Variants in LRMDA observed in about 807,000 individuals in gnomAD.
LRMDA encodes leucine-rich melanocyte differentiation-associated protein.
LRMDA carries 18 observed loss-of-function variants against 29.8 expected under a neutral mutation model. The observed-to-expected ratio is 0.60, with a 90% CI of 0.42 to 0.90. The LOEUF (loss-of-function observed/expected upper bound fraction) is 0.90, where lower values mean the gene tolerates loss of function less well. Among genes scored for constraint, LRMDA ranks in the 40% least tolerant of loss-of-function variants. The pLI, the probability that LRMDA is intolerant of heterozygous loss-of-function variation, is 0.00. For missense variants in LRMDA, 273 were observed against 273.9 expected, an observed-to-expected ratio of 1.00 and a Z score of 0.02; for synonymous variants, 125 against 109.4, an observed-to-expected ratio of 1.14 and a Z score of -0.89.
At chr10:75,514,780 C>T (rs919019748) in intron 2 of LRMDA, among the ~76,000 whole-genome samples, 1 of 152,184 alleles carries the variant, frequency 6.6e-6, no homozygotes, top group Non-Finnish European at 1.5e-5. Context: ...TGCCATGCTT[C>T]TTGTACAGCC....
intron 2 of LRMDA, among the ~76,000 whole-genome samples, chr10:75,605,325 G>A (rs1350212718): frequency 6.6e-6 from 1 of 152,158 alleles, no homozygotes; most frequent in Non-Finnish European, 1.5e-5. Context: ...GAATATAGAA[G>A]ACAGTCTGTT....
chr10:76,296,759 G>C (rs1436637556), intron 5 of LRMDA, among the ~76,000 whole-genome samples: 1 of 152,212 alleles, frequency 6.6e-6, no homozygotes, highest in African/African-American at 2.4e-5. Flanking sequence ...GTCATTTAAA[G>C]ATTATTTTGG....
At chr10:75,985,887 G>A (rs1364932722) in intron 2 of LRMDA, among the ~76,000 whole-genome samples, 1 of 152,230 alleles carries the variant, frequency 6.6e-6, no homozygotes, top group Non-Finnish European at 1.5e-5. Flanking sequence ...CAATGAAGAT[G>A]GAGAAACAAG....
intron 2 of LRMDA, among the ~76,000 whole-genome samples, chr10:75,829,547 C>T (rs1278405283): frequency 6.6e-6 from 1 of 152,124 alleles, no homozygotes; most frequent in Non-Finnish European, 1.5e-5. Flanking sequence ...TCTGAGTCAA[C>T]TTTCAAGGTC....
intron 2 of LRMDA, among the ~76,000 whole-genome samples, chr10:75,994,205 C>A (rs1205759825): frequency 6.6e-6 from 1 of 152,206 alleles, no homozygotes; most frequent in Non-Finnish European, 1.5e-5. Context: ...ATTTCAGGTG[C>A]AACTGACCAG....
At chr10:75,692,219 AAT>A (rs57600678) in intron 2 of LRMDA, among the ~76,000 whole-genome samples, 10,566 of 87,110 alleles carry the variant, frequency 0.12, 556 homozygotes, top group Middle Eastern at 0.24. Flanking sequence ...AAAAAAAAAA[AAT>A]ATATATATAT....
chr10:76,557,426 C>T lies in LRMDA; in HGVS notation c.*138C>T, dbSNP rs979625582. ...AAAGCTATGACTTCAGCTTTTGGTA[C>T]CTTCCGCTGACTTTGCCAGGCCTGT... On this transcript the variant is annotated 3_prime_UTR_variant, in exon 7 of 7. Transcript: ENST00000611255. 32 of 699,634 alleles carry T rather than the reference C, an allele frequency of 4.6e-5. No individual in the cohort carries two copies. The highest frequency in any genetic ancestry group is 7.5e-5 in the Non-Finnish European group (31 of 411,896). 43.3% of individuals were successfully genotyped at this position (699,634 alleles called of 1,614,324 possible). A position where few individuals can be genotyped will look rare whatever the true frequency, so the allele number is the denominator to read the frequency against.
intron 6 of LRMDA, among the ~76,000 whole-genome samples, chr10:76,393,603 C>G (rs1314915486): frequency 6.6e-6 from 1 of 152,106 alleles, no homozygotes; most frequent in Non-Finnish European, 1.5e-5. Context: ...TTCTCCCATT[C>G]TGTAGGTTAT....
intron 2 of LRMDA, among the ~76,000 whole-genome samples, chr10:75,671,776 TAAAG>T (rs1841894137): frequency 6.6e-6 from 1 of 152,062 alleles, no homozygotes; most frequent in South Asian, 2.1e-4. Context: ...TCCCAGAACT[TAAAG>T]TATAATAATA....
chr10:76,483,597 C>T (rs965249746), intron 6 of LRMDA, among the ~76,000 whole-genome samples: 5 of 151,632 alleles, frequency 3.3e-5, no homozygotes, highest in Admixed American at 6.6e-5. Flanking sequence ...TAGGGGCAGG[C>T]GCACAGTGGC....
intron 2 of LRMDA, among the ~76,000 whole-genome samples, chr10:75,472,274 G>A (rs1157479188): frequency 6.6e-6 from 1 of 152,028 alleles, no homozygotes. Context: ...ATGAATTCCT[G>A]TCTCCCCAAA....
At chr10:76,368,152 T>C (rs925587294) in intron 6 of LRMDA, among the ~76,000 whole-genome samples, 2 of 152,166 alleles carry the variant, frequency 1.3e-5, no homozygotes, top group African/African-American at 2.4e-5. Flanking sequence ...TTGGATTTGG[T>C]TTGTTCTTGT....
intron 5 of LRMDA, among the ~76,000 whole-genome samples, chr10:76,152,444 T>C (rs559570786): frequency 3.3e-5 from 5 of 152,356 alleles, no homozygotes; most frequent in African/African-American, 1.2e-4. Flanking sequence ...TTTGGTTATT[T>C]CTACATTTTG....
chr10:76,244,574 G>A (rs1852338910), intron 5 of LRMDA, among the ~76,000 whole-genome samples: 1 of 152,178 alleles, frequency 6.6e-6, no homozygotes, highest in Non-Finnish European at 1.5e-5. Context: ...AGTCCACATT[G>A]TAGCTGCAGT....
At chr10:76,051,811 C>A (rs138233748) in intron 4 of LRMDA, among the ~76,000 whole-genome samples, 1 of 152,220 alleles carries the variant, frequency 6.6e-6, no homozygotes. Context: ...AGTCTGGCCT[C>A]TTTCACTATG....
At chr10:75,851,098 CT>C (rs1436587036) in intron 2 of LRMDA, among the ~76,000 whole-genome samples, 16 of 152,200 alleles carry the variant, frequency 1.1e-4, no homozygotes, top group Admixed American at 1.0e-3. Flanking sequence ...GCTGATGGGA[CT>C]TAATTTTCTC....
At chr10:76,447,716 C>A (rs988440214) in intron 6 of LRMDA, among the ~76,000 whole-genome samples, 1 of 152,132 alleles carries the variant, frequency 6.6e-6, no homozygotes, top group African/African-American at 2.4e-5. Context: ...TAATTTTTCT[C>A]ATTTTACCCA....
At position 75,577,929 on chromosome 10, in the gene LRMDA, A is replaced by ACTGGTACCACAGTAC. The variant is rs559427160; in HGVS notation, c.131+139435_131+139436insCTGGTACCACAGTAC. 7.2e-3 allele frequency among the ~76,000 whole-genome samples: 1,098 copies of ACTGGTACCACAGTAC among 152,274 alleles called. 16 individuals carry two copies. Among genetic ancestry groups the ACTGGTACCACAGTAC allele is most frequent in the African/African-American group, 0.025 (1,023 of 41,546 alleles). ...GGATCAACTAGTACCAGCCACTGCA[A>ACTGGTACCACAGTAC]AAACATACCAAATTGTAAAGACCAT... On this transcript the variant is annotated intron_variant, in intron 2 of 6. Transcript: ENST00000611255.
chr10:75,931,227 T>G (rs962378287), intron 2 of LRMDA, among the ~76,000 whole-genome samples: 1 of 152,142 alleles, frequency 6.6e-6, no homozygotes, highest in South Asian at 2.1e-4. Context: ...TCATGGGCAT[T>G]GTGAATAGGG....
Sources: allele counts gnomAD v4.1 joint callset (sites outside exome capture counted in the v4.1 genomes callset), GRCh38; gene constraint gnomAD v4.1.1; transcripts MANE v1.5; gene names NCBI Gene and HGNC (gene_info 2026-07-23, HGNC 2026-07-21).